The following NSD1 variants were observed in gnomAD, a reference collection of about 807,000 sequenced individuals.
NSD1 encodes nuclear receptor binding SET domain protein 1.
Under a neutral mutation model 242.7 loss-of-function variants are expected in NSD1, and 26 were observed. That is an observed-to-expected ratio of 0.11 (90% CI 0.08 to 0.15). The LOEUF is 0.15. Ranked by LOEUF, NSD1 falls within the 10% of genes least tolerant of loss-of-function variation. The probability of loss-of-function intolerance (pLI) is 1.00; values close to 1 mark genes in which losing one functional copy is unlikely to be tolerated. For missense variants in NSD1, 2,495 were observed against 3,272.8 expected, an observed-to-expected ratio of 0.76 and a Z score of 5.80; for synonymous variants, 1,106 against 1,178.1, an observed-to-expected ratio of 0.94 and a Z score of 1.25.
At chr5:177,264,783 A>G (rs1757282734) in intron 14 of NSD1, 1 of 744,772 alleles carries the variant, frequency 1.3e-6, no homozygotes, top group African/African-American at 1.7e-5. Flanking sequence ...ACACAAAGGG[A>G]AAGAGGAGAG....
intron 2 of NSD1, among the ~76,000 whole-genome samples, chr5:177,176,812 G>A (rs373558790): frequency 1.3e-5 from 2 of 152,258 alleles, no homozygotes; most frequent in Admixed American, 6.5e-5. Flanking sequence ...TCTTTAGCTC[G>A]AGGGTGTAGT....
intron 2 of NSD1, among the ~76,000 whole-genome samples, chr5:177,151,514 G>A (rs577113544): frequency 6.6e-6 from 1 of 151,826 alleles, no homozygotes; most frequent in South Asian, 2.1e-4. Context: ...TCAGCCTCCC[G>A]ACTAGCTGGG....
rs192949480 is a variant in NSD1, at chr5:177,207,518, G to A, written c.1237-2118G>A. Among the ~76,000 whole-genome samples the A allele has an allele frequency of 2.9e-3, 428 of 147,972 alleles. 2 individuals carry two copies. The highest frequency in any genetic ancestry group is 4.5e-3 in the Non-Finnish European group (301 of 67,482). The stretch of plus-strand genomic sequence containing the variant: ...AGGATGGTCTCGATCTCCTGACCTT[G>A]TGATCTGCCCACCTCAGCCTCCCAA... On this transcript the variant is annotated intron_variant, in intron 4 of 22. Coordinates refer to ENST00000439151, the MANE Select transcript of NSD1 (RefSeq NM_022455.5).
At chr5:177,152,820 AATT>A (rs1405217461) in intron 2 of NSD1, among the ~76,000 whole-genome samples, 1 of 150,760 alleles carries the variant, frequency 6.6e-6, no homozygotes, top group Non-Finnish European at 1.5e-5. Context: ...GAGTAGCTGA[AATT>A]ATAGGCGTGT....
chr5:177,289,859 G>C (rs957441068), intron 21 of NSD1, among the ~76,000 whole-genome samples: 7 of 148,414 alleles, frequency 4.7e-5, no homozygotes, highest in African/African-American at 1.8e-4. Flanking sequence ...GTGGAGTCTC[G>C]CTCTGTTGCC....
At chr5:177,206,890 C>T (rs566502822) in intron 4 of NSD1, among the ~76,000 whole-genome samples, 21 of 150,616 alleles carry the variant, frequency 1.4e-4, no homozygotes, top group South Asian at 1.0e-3. Context: ...CCAGATTGTC[C>T]GTTTGATCCT....
intron 2 of NSD1, among the ~76,000 whole-genome samples, chr5:177,185,069 G>C (rs1471255972): frequency 6.6e-6 from 1 of 152,026 alleles, no homozygotes; most frequent in Non-Finnish European, 1.5e-5. Context: ...CCTTAGAGTT[G>C]CGATAATTTC....
chr5:177,218,725 G>A (rs1362254336), intron 5 of NSD1, among the ~76,000 whole-genome samples: 5 of 151,642 alleles, frequency 3.3e-5, no homozygotes, highest in African/African-American at 9.7e-5. Flanking sequence ...CCCCCACCAC[G>A]CCCGGCTAAA....
At chr5:177,152,321 GTATGTA>G (rs994250713) in intron 2 of NSD1, among the ~76,000 whole-genome samples, 2 of 86,992 alleles carry the variant, frequency 2.3e-5, no homozygotes, top group African/African-American at 9.8e-5. Context: ...GTGTGTGTGT[GTATGTA>G]TGTATGTATG....
intron 5 of NSD1, among the ~76,000 whole-genome samples, chr5:177,215,836 T>A (rs756511096): frequency 1.3e-5 from 2 of 152,218 alleles, no homozygotes; most frequent in African/African-American, 4.8e-5. Flanking sequence ...GCATAATTGC[T>A]GCATCATTTT....
chr5:177,269,859 GTGTC>G lies in NSD1; in HGVS notation c.5509+55_5509+58del, dbSNP rs757089579. Reference sequence around the variant, plus strand: ...GCAAACACAGACCTCTGTTACCTGAGTGTCTGATCTGTTTTAGAATTCACATATG... The same window carrying G: ...GCAAACACAGACCTCTGTTACCTGAGTGATCTGTTTTAGAATTCACATATG... On this transcript the variant is annotated intron_variant, in intron 16 of 22. Transcript: ENST00000439151. This position sits in a 1 kb window ranked among gnomAD's most constrained non-coding sequence, Gnocchi z 5.1. 25 of 1,480,578 alleles carry G rather than the reference GTGTC, an allele frequency of 1.7e-5. No individual in the cohort carries two copies. Among genetic ancestry groups the G allele is most frequent in the Non-Finnish European group, 2.2e-5 (24 of 1,076,380 alleles). The allele number at this position is 1,480,578 out of a possible 1,614,324, so 91.7% of individuals were successfully genotyped here.
At chr5:177,232,065 A>G (rs1034250277) in intron 5 of NSD1, among the ~76,000 whole-genome samples, 5 of 151,964 alleles carry the variant, frequency 3.3e-5, no homozygotes, top group African/African-American at 1.2e-4. Context: ...ACAGGCAGCT[A>G]TATTTTTATG....
chr5:177,210,197 T>C lies in NSD1; in HGVS notation c.1798T>C (p.Ser600Pro), dbSNP rs1763222073. 6.3e-7 allele frequency: 1 copy of C among 1,598,852 alleles called. No homozygotes were observed. Among genetic ancestry groups the C allele is most frequent in the African/African-American group, 1.3e-5 (1 of 74,094 alleles). The change falls in exon 5 of 23, where the codon TCA becomes CCA. Residue 600 changes from serine (S) to proline (P), a missense_variant. By Grantham distance (74) the Ser-to-Pro change is moderately conservative. Around this residue, in one of 19 missense-constraint regions of NSD1, gnomAD observed 515 missense variants for 467.0 expected, o/e 1.10. Coordinates refer to ENST00000439151, the MANE Select transcript of NSD1 (RefSeq NM_022455.5). ...LLGLPEGALI[S>P]KCSREKNKPQ... ...GGGCTTGCCTGAGGGTGCTTTGATC[T>C]CAAAGTGTTCTCGAGAGAAGAATAA... is the stretch of plus-strand genomic sequence containing the variant.
chr5:177,252,003 A>G, intron 12 of NSD1, 150 bp downstream of exon 12: 1 of 931,232 alleles, frequency 1.1e-6, no homozygotes, highest in Admixed American at 2.0e-5. Context: ...TGCTTTCAGA[A>G]AAGCTACCAA....
intron 20 of NSD1, among the ~76,000 whole-genome samples, chr5:177,286,313 CGTTT>C (rs1416742867): frequency 2.6e-5 from 4 of 152,206 alleles, no homozygotes; most frequent in Non-Finnish European, 4.4e-5. Flanking sequence ...TCGGGTTTTG[CGTTT>C]GTTTCTCATA....
intron 14 of NSD1, among the ~76,000 whole-genome samples, chr5:177,262,681 C>T (rs1757084029): frequency 6.6e-6 from 1 of 152,226 alleles, no homozygotes; most frequent in South Asian, 2.1e-4. Context: ...GAGTTCGAGA[C>T]CAGCCTGGCC....
At chr5:177,265,631 T>C in intron 14 of NSD1, 1 of 1,570,852 alleles carries the variant, frequency 6.4e-7, no homozygotes, top group Non-Finnish European at 8.8e-7. Context: ...GAAATCTAGG[T>C]TGATGGTGAA....
chr5:177,164,187 G>C (rs1581175901), intron 2 of NSD1, among the ~76,000 whole-genome samples: 1 of 140,038 alleles, frequency 7.1e-6, no homozygotes, highest in Admixed American at 7.6e-5. Flanking sequence ...ATGGAGTCTA[G>C]CTCTGTTGCC....
intron 17 of NSD1, among the ~76,000 whole-genome samples, chr5:177,275,661 C>A (rs907170412): frequency 1.3e-5 from 2 of 151,858 alleles, no homozygotes; most frequent in African/African-American, 4.8e-5. Flanking sequence ...TCTCGATCTC[C>A]TGACCTCGTG....
Sources: allele counts gnomAD v4.1 joint callset (sites outside exome capture counted in the v4.1 genomes callset), GRCh38; gene constraint gnomAD v4.1.1; regional missense constraint gnomAD v4.1.1; non-coding constraint Gnocchi (gnomAD v3.1); transcripts MANE v1.5; gene names NCBI Gene and HGNC (gene_info 2026-07-23, HGNC 2026-07-21).